Variants in COX7B2 observed in about 807,000 individuals in gnomAD.
COX7B2 encodes the protein cytochrome c oxidase subunit 7B2, mitochondrial.
For synonymous variants in COX7B2, 37 were observed against 32.1 expected, an observed-to-expected ratio of 1.15 and a Z score of -0.51; for missense variants, 109 against 95.9, an observed-to-expected ratio of 1.14 and a Z score of -0.57.
rs574692907 is a variant in COX7B2, at chr4:46,877,232, A to G, written c.-105+31928T>C. Among the ~76,000 whole-genome samples, 13 of 152,328 alleles carry G rather than the reference A, an allele frequency of 8.5e-5. No homozygotes were observed. In the South Asian group the frequency reaches 2.7e-3, roughly 32 times the overall value. On this transcript the variant is annotated intron_variant, in intron 1 of 2. Coordinates refer to ENST00000355591, the MANE Select transcript of COX7B2 (RefSeq NM_130902.3). ...TAAGTAATAAGTATTACCATATTAC[A>G]CATGAGGAAACATAGTGCTAGCTTG...
At chr4:46,875,221 A>G (rs1332044302) in intron 1 of COX7B2, among the ~76,000 whole-genome samples, 1 of 152,214 alleles carries the variant, frequency 6.6e-6, no homozygotes, top group Non-Finnish European at 1.5e-5. Context: ...GTTATGGAAC[A>G]ATAATTACTA....
At chr4:46,908,957 T>C (rs1227489108) in intron 1 of COX7B2, among the ~76,000 whole-genome samples, 4 of 150,874 alleles carry the variant, frequency 2.7e-5, no homozygotes, top group Non-Finnish European at 5.9e-5. Flanking sequence ...GGCAGGAGAA[T>C]GGCGTGAACC....
intron 1 of COX7B2, among the ~76,000 whole-genome samples, chr4:46,893,313 G>A (rs562881480): frequency 1.3e-5 from 2 of 152,138 alleles, no homozygotes; most frequent in Non-Finnish European, 2.9e-5. Context: ...TACACAAGTG[G>A]TCTGCTTTAT....
intron 2 of COX7B2, among the ~76,000 whole-genome samples, chr4:46,843,582 T>C (rs1250770737): frequency 6.6e-6 from 1 of 151,990 alleles, no homozygotes; most frequent in African/African-American, 2.4e-5. Context: ...ATGTAAATAT[T>C]GTACTGAGCT....
At chr4:46,848,569 T>G (rs1284127586) in intron 1 of COX7B2, among the ~76,000 whole-genome samples, 1 of 152,104 alleles carries the variant, frequency 6.6e-6, no homozygotes, top group Admixed American at 6.6e-5. Context: ...TTCCCATAAC[T>G]CTTTGAAAGC....
chr4:46,843,957 G>A (rs1428716046), intron 2 of COX7B2, among the ~76,000 whole-genome samples: 1 of 151,936 alleles, frequency 6.6e-6, no homozygotes, highest in Non-Finnish European at 1.5e-5. Flanking sequence ...ATAAATAAGA[G>A]TCCTATTTAT....
chr4:46,809,900 T>G (rs1398327046), intron 2 of COX7B2, among the ~76,000 whole-genome samples: 1 of 151,986 alleles, frequency 6.6e-6, no homozygotes, highest in East Asian at 1.9e-4. Context: ...TGTTCATTAA[T>G]AGTTTACATA....
chr4:46,812,289 T>TC (rs1719322789), intron 2 of COX7B2, among the ~76,000 whole-genome samples: 1 of 151,838 alleles, frequency 6.6e-6, no homozygotes, highest in Non-Finnish European at 1.5e-5. Flanking sequence ...CTGAGGCACA[T>TC]CCCAGTAGCT....
At chr4:46,756,408 G>T (rs1323316253) in intron 2 of COX7B2, among the ~76,000 whole-genome samples, 1 of 151,866 alleles carries the variant, frequency 6.6e-6, no homozygotes, top group Non-Finnish European at 1.5e-5. Flanking sequence ...TTATGACCAA[G>T]TCCTCAAAAG....
At chr4:46,787,322 C>T (rs149680533) in intron 2 of COX7B2, among the ~76,000 whole-genome samples, 1 of 152,190 alleles carries the variant, frequency 6.6e-6, no homozygotes, top group African/African-American at 2.4e-5. Flanking sequence ...TGGTGCATAC[C>T]TGTAATCCCA....
rs558210055 is a variant in COX7B2, at chr4:46,763,046, A to G, written c.-49-27805T>C. On this transcript the variant is annotated intron_variant, in intron 2 of 2. Coordinates refer to ENST00000355591, the MANE Select transcript of COX7B2 (RefSeq NM_130902.3). ...TAATATAATATAATATATATTATAT[A>G]TTATAATATGTAATATATATTATAT... 2.8e-4 allele frequency among the ~76,000 whole-genome samples: 30 copies of G among 106,658 alleles called. 1 individual carries two copies. In the Admixed American group the frequency reaches 2.9e-3, roughly 10 times the overall value. The allele number at this position is 106,658 out of a possible 152,430, so 70.0% of individuals were successfully genotyped here. A position where few individuals can be genotyped will look rare whatever the true frequency, so the allele number is the denominator to read the frequency against.
intron 2 of COX7B2, among the ~76,000 whole-genome samples, chr4:46,791,209 C>T (rs1242363347): frequency 6.6e-6 from 1 of 150,960 alleles, no homozygotes; most frequent in Non-Finnish European, 1.5e-5. Context: ...GGGAGTTTTA[C>T]CGTGTTAGCC....
intron 1 of COX7B2, among the ~76,000 whole-genome samples, chr4:46,846,169 A>T (rs1716264931): frequency 6.6e-6 from 1 of 152,106 alleles, no homozygotes; most frequent in Admixed American, 6.6e-5. Flanking sequence ...CAAGGTGAGA[A>T]CAAGACTAAC....
intron 2 of COX7B2, among the ~76,000 whole-genome samples, chr4:46,772,420 G>A (rs1716927168): frequency 6.6e-6 from 1 of 152,122 alleles, no homozygotes; most frequent in South Asian, 2.1e-4. Flanking sequence ...GAAATTTGCT[G>A]AGAGTAGATC....
intron 1 of COX7B2, among the ~76,000 whole-genome samples, chr4:46,872,835 T>A (rs937603507): frequency 6.6e-6 from 1 of 152,138 alleles, no homozygotes; most frequent in African/African-American, 2.4e-5. Context: ...AATTTTTTTT[T>A]ATTATACTTT....
intron 1 of COX7B2, among the ~76,000 whole-genome samples, chr4:46,905,814 C>CTTTTTTTTTTTTTTTTT (rs761904309): frequency 2.8e-5 from 2 of 71,686 alleles, no homozygotes; most frequent in African/African-American, 5.4e-5. Flanking sequence ...GCATATATTT[C>CTTTTTTTTTTTTTTTTT]TTTTTTTTTT....
intron 1 of COX7B2, among the ~76,000 whole-genome samples, chr4:46,877,422 GT>G (rs1304572974): frequency 2.0e-5 from 3 of 152,014 alleles, no homozygotes; most frequent in Admixed American, 1.3e-4. Flanking sequence ...TTCTTCTTTG[GT>G]ATAGGAGGAC....
chr4:46,889,601 C>A (rs1380633271), intron 1 of COX7B2, among the ~76,000 whole-genome samples: 1 of 152,058 alleles, frequency 6.6e-6, no homozygotes, highest in African/African-American at 2.4e-5. Flanking sequence ...GAAAAGAGGA[C>A]AAGTACACAT....
chr4:46,843,577 A>G (rs963480843), intron 2 of COX7B2, among the ~76,000 whole-genome samples: 6 of 152,030 alleles, frequency 3.9e-5, no homozygotes, highest in African/African-American at 1.4e-4. Flanking sequence ...AATTAATGTA[A>G]ATATTGTACT....
Sources: allele counts gnomAD v4.1 joint callset (sites outside exome capture counted in the v4.1 genomes callset), GRCh38; gene constraint gnomAD v4.1.1; transcripts MANE v1.5; gene names NCBI Gene and HGNC (gene_info 2026-07-23, HGNC 2026-07-21).